The following SLC26A7 variants were observed in gnomAD, a reference collection of about 807,000 sequenced individuals.
SLC26A7 encodes solute carrier family 26 member 7.
A neutral mutation model predicts 82.5 loss-of-function variants in SLC26A7; 59 were observed. The ratio of observed to expected loss-of-function variants is 0.72; its 90% CI spans 0.58 to 0.89. SLC26A7 has a LOEUF of 0.89. Ranked by LOEUF, SLC26A7 falls within the 40% of genes least tolerant of loss-of-function variation. The probability of loss-of-function intolerance (pLI) is 0.00; values close to 1 mark genes in which losing one functional copy is unlikely to be tolerated. For synonymous variants in SLC26A7, 271 were observed against 274.3 expected (o/e 0.99, Z 0.12); for missense variants, 820 against 793.0 (o/e 1.03, Z -0.41).
At chr8:91,283,256 G>T (rs1811622382) in intron 2 of SLC26A7, among the ~76,000 whole-genome samples, 1 of 152,146 alleles carries the variant, frequency 6.6e-6, no homozygotes, top group South Asian at 2.1e-4. Context: ...AAGAGAAGGG[G>T]AGAAGTCCAG....
intron 1 of SLC26A7, among the ~76,000 whole-genome samples, chr8:91,214,499 C>G (rs558729966): frequency 2.0e-5 from 3 of 152,182 alleles, no homozygotes; most frequent in South Asian, 2.1e-4. Context: ...AATGAAAGAG[C>G]CTGGGAATCA....
Position 91,277,339 on chromosome 8 carries a change from A to G in SLC26A7, c.194-11797A>G, listed in dbSNP as rs1811432894. Among the ~76,000 whole-genome samples the G allele has an allele frequency of 5.9e-5, 9 of 152,190 alleles. No individual in the cohort carries two copies. In the South Asian group the frequency reaches 1.9e-3, roughly 31 times the overall value. On this transcript the variant is annotated intron_variant, in intron 2 of 18. Coordinates refer to ENST00000276609, the MANE Select transcript of SLC26A7 (RefSeq NM_052832.4). ...ATTCGTGCATAAAACTGCTATTTGT[A>G]TGCTCATTATCTGCCCTGTTCAATA... is the stretch of plus-strand genomic sequence containing the variant.
intron 2 of SLC26A7, among the ~76,000 whole-genome samples, chr8:91,259,761 G>T (rs952806094): frequency 5.9e-5 from 9 of 151,980 alleles, no homozygotes; most frequent in African/African-American, 2.2e-4. Flanking sequence ...CATATTTCAG[G>T]AATGGGTTTA....
chr8:91,351,290 C>T (rs921234), intron 9 of SLC26A7, among the ~76,000 whole-genome samples: 16,753 of 152,136 alleles, frequency 0.11, 1,111 homozygotes, highest in African/African-American at 0.18. Flanking sequence ...CCAGAGATCA[C>T]TCCCATATCC....
At chr8:91,357,518 A>G (rs1190053804) in intron 11 of SLC26A7, among the ~76,000 whole-genome samples, 6 of 152,100 alleles carry the variant, frequency 3.9e-5, no homozygotes, top group African/African-American at 1.2e-4. Flanking sequence ...CATTAATTCT[A>G]CTATTTAACA....
intron 2 of SLC26A7, among the ~76,000 whole-genome samples, chr8:91,272,810 G>A (rs1360212870): frequency 2.0e-5 from 3 of 152,162 alleles, no homozygotes; most frequent in Non-Finnish European, 2.9e-5. Context: ...GGAGGGACAT[G>A]TGTTTTACAA....
At chr8:91,293,679 C>T (rs992510544) in intron 3 of SLC26A7, among the ~76,000 whole-genome samples, 4 of 152,166 alleles carry the variant, frequency 2.6e-5, no homozygotes, top group Non-Finnish European at 5.9e-5. Context: ...TTCCCATCTT[C>T]CTCCAAATCC....
At chr8:91,353,124 A>AT (rs562585000) in intron 11 of SLC26A7, 128 bp downstream of exon 11, 202 of 498,734 alleles carry the variant, frequency 4.1e-4, no homozygotes, top group South Asian at 1.5e-3. Context: ...ACAAACTACC[A>AT]TTTTTTTTCC....
At chr8:91,219,310 A>G (rs1810119200) in intron 2 of SLC26A7, 1 of 205,960 alleles carries the variant, frequency 4.9e-6, no homozygotes. Flanking sequence ...CTAGGTGAGT[A>G]TTAAGAGACT....
At chr8:91,383,046 G>A (rs921248013) in intron 15 of SLC26A7, among the ~76,000 whole-genome samples, 1 of 152,054 alleles carries the variant, frequency 6.6e-6, no homozygotes, top group African/African-American at 2.4e-5. Flanking sequence ...TTAAAATTGA[G>A]ATTCAAGAGG....
intron 15 of SLC26A7, among the ~76,000 whole-genome samples, chr8:91,370,513 C>T (rs1338916773): frequency 2.0e-5 from 3 of 151,978 alleles, no homozygotes; most frequent in Non-Finnish European, 2.9e-5. Context: ...CAAACTAGCA[C>T]TTTAAAGCTA....
chr8:91,229,365 G>A (rs917191611), intron 2 of SLC26A7, among the ~76,000 whole-genome samples: 2 of 152,084 alleles, frequency 1.3e-5, no homozygotes, highest in African/African-American at 4.8e-5. Context: ...TAAATTCCAT[G>A]AGGGCAGGGC....
rs186494790 is a variant in SLC26A7, at chr8:91,223,913, A to T, written c.-34+4908A>T. 4.6e-3 allele frequency among the ~76,000 whole-genome samples: 691 copies of T among 151,420 alleles called. 4 individuals are homozygous for T. Among genetic ancestry groups the T allele is most frequent in the African/African-American group, 0.015 (637 of 41,210 alleles). On this transcript the variant is annotated intron_variant, in intron 2 of 5. Coordinates refer to the SLC26A7 transcript ENST00000522862. ...TTCTCTGTTCTTGCCTGCATGTCTTATTTCAGTAAGGTGGTCTTCAGACTC... is the reference window on the plus strand; with the variant it reads ...TTCTCTGTTCTTGCCTGCATGTCTTTTTTCAGTAAGGTGGTCTTCAGACTC...
chr8:91,213,654 A>C (rs191672150), intron 1 of SLC26A7, among the ~76,000 whole-genome samples: 1 of 152,332 alleles, frequency 6.6e-6, no homozygotes, highest in Non-Finnish European at 1.5e-5. Flanking sequence ...GATAGAGACC[A>C]ATTGCTTTAG....
chr8:91,288,035 A>G (rs746619680), intron 2 of SLC26A7, among the ~76,000 whole-genome samples: 2 of 152,240 alleles, frequency 1.3e-5, no homozygotes, highest in Non-Finnish European at 2.9e-5. Flanking sequence ...TTAACTTTTC[A>G]TGTATTTTAA....
intron 2 of SLC26A7, among the ~76,000 whole-genome samples, chr8:91,258,294 G>A: frequency 6.6e-6 from 1 of 151,918 alleles, no homozygotes; most frequent in Non-Finnish European, 1.5e-5. Flanking sequence ...GCTGCCTATT[G>A]GGCACAATCT....
At chr8:91,269,880 A>G (rs1811222161) in intron 2 of SLC26A7, among the ~76,000 whole-genome samples, 1 of 151,864 alleles carries the variant, frequency 6.6e-6, no homozygotes, top group Non-Finnish European at 1.5e-5. Flanking sequence ...GAAGCTTTGT[A>G]CTGAGATTTT....
At chr8:91,352,625 T>C (rs1813748582) in intron 10 of SLC26A7, among the ~76,000 whole-genome samples, 1 of 152,120 alleles carries the variant, frequency 6.6e-6, no homozygotes, top group Admixed American at 6.6e-5. Context: ...TTTAGCTTCA[T>C]GATGTTCACC....
intron 15 of SLC26A7, among the ~76,000 whole-genome samples, chr8:91,378,935 T>C (rs1429844488): frequency 6.6e-6 from 1 of 152,016 alleles, no homozygotes; most frequent in Non-Finnish European, 1.5e-5. Context: ...ATAAAAATAA[T>C]ACACTATATT....
Sources: gnomAD v4.1 joint callset for allele counts (sites outside exome capture counted in the v4.1 genomes callset) on GRCh38, gnomAD v4.1.1 for gene constraint, MANE v1.5 for transcripts, NCBI Gene and HGNC (gene_info 2026-07-23, HGNC 2026-07-21) for gene names.